CDH18: variants seen among roughly 807,000 people sequenced by gnomAD.
CDH18 encodes the protein cadherin-18.
A neutral mutation model predicts 67.9 loss-of-function variants in CDH18; 31 were observed. The ratio of observed to expected loss-of-function variants is 0.46; its 90% CI spans 0.34 to 0.62. The LOEUF (loss-of-function observed/expected upper bound fraction) is 0.62, where lower values mean the gene tolerates loss of function less well. Among genes scored for constraint, CDH18 ranks in the 20% least tolerant of loss-of-function variants. The pLI, the probability that CDH18 is intolerant of heterozygous loss-of-function variation, is 0.01. For missense variants in CDH18, 890 were observed against 975.5 expected, an observed-to-expected ratio of 0.91 and a Z score of 1.17; for synonymous variants, 362 against 347.2, an observed-to-expected ratio of 1.04 and a Z score of -0.48.
At chr5:19,876,128 C>T (rs898900390) in intron 2 of CDH18, among the ~76,000 whole-genome samples, 1 of 152,032 alleles carries the variant, frequency 6.6e-6, no homozygotes, top group Non-Finnish European at 1.5e-5. Flanking sequence ...GTCCATAAAA[C>T]CCTCTCACAG....
chr5:20,022,587 T>C (rs1222468856), intron 2 of CDH18, among the ~76,000 whole-genome samples: 1 of 152,218 alleles, frequency 6.6e-6, no homozygotes, highest in Non-Finnish European at 1.5e-5. Context: ...ATTAATTAGT[T>C]GTCCATTTCT....
At chr5:19,748,706 T>G (rs2149659470) in intron 3 of CDH18, among the ~76,000 whole-genome samples, 1 of 152,088 alleles carries the variant, frequency 6.6e-6, no homozygotes, top group African/African-American at 2.4e-5. Flanking sequence ...ATTTTTGAGG[T>G]TTTAAAGTCT....
intron 1 of CDH18, among the ~76,000 whole-genome samples, chr5:20,311,110 A>C (rs1168047503): frequency 6.6e-6 from 1 of 151,450 alleles, no homozygotes; most frequent in Non-Finnish European, 1.5e-5. Flanking sequence ...AAAAACAAAC[A>C]AAAAAAAGCC....
intron 9 of CDH18, among the ~76,000 whole-genome samples, chr5:19,529,781 A>T (rs1034005869): frequency 1.3e-5 from 2 of 152,082 alleles, no homozygotes; most frequent in Admixed American, 1.3e-4. Context: ...TTGCTTTGAG[A>T]AATGTTTAAA....
intron 2 of CDH18, among the ~76,000 whole-genome samples, chr5:20,152,657 TATTAA>T (rs910726803): frequency 2.0e-5 from 3 of 152,106 alleles, no homozygotes; most frequent in Admixed American, 1.3e-4. Flanking sequence ...GTAAAATTCT[TATTAA>T]ATTAAATTAA....
intron 1 of CDH18, among the ~76,000 whole-genome samples, chr5:20,473,888 C>T (rs1752258444): frequency 6.6e-6 from 1 of 152,040 alleles, no homozygotes; most frequent in African/African-American, 2.4e-5. Context: ...CTGTTCTTTG[C>T]TTTTTAAATA....
intron 2 of CDH18, among the ~76,000 whole-genome samples, chr5:19,940,408 G>C (rs900295500): frequency 6.6e-6 from 1 of 151,784 alleles, no homozygotes; most frequent in Non-Finnish European, 1.5e-5. Flanking sequence ...TCAATTTTCA[G>C]ATATTGCCTC....
chr5:19,477,455 C>G (rs1007357925), intron 12 of CDH18, among the ~76,000 whole-genome samples: 3 of 151,678 alleles, frequency 2.0e-5, no homozygotes, highest in Non-Finnish European at 4.4e-5. Context: ...GTGAATTACC[C>G]TGAACAGTAA....
At chr5:20,314,693 C>G (rs1737306604) in intron 1 of CDH18, among the ~76,000 whole-genome samples, 1 of 151,958 alleles carries the variant, frequency 6.6e-6, no homozygotes, top group African/African-American at 2.4e-5. Flanking sequence ...TATGTGCTAC[C>G]ACTTTTTTAA....
chr5:20,137,495 CA>C (rs538855701), intron 2 of CDH18, among the ~76,000 whole-genome samples: 135 of 152,060 alleles, frequency 8.9e-4, no homozygotes, highest in African/African-American at 3.2e-3. Context: ...AATCTTTTTT[CA>C]TGGTTTTTAG....
chr5:20,279,186 T>A, intron 1 of CDH18, among the ~76,000 whole-genome samples: 1 of 150,966 alleles, frequency 6.6e-6, no homozygotes, highest in South Asian at 2.1e-4. Flanking sequence ...ACACATAGAC[T>A]GAAAATAAAG....
chr5:20,435,652 T>C (rs1236064108), intron 1 of CDH18, among the ~76,000 whole-genome samples: 1 of 152,010 alleles, frequency 6.6e-6, no homozygotes, highest in Non-Finnish European at 1.5e-5. Context: ...TCTACAGTGC[T>C]TCCTGATGCA....
chr5:20,439,209 C>T (rs1215884201), intron 1 of CDH18, among the ~76,000 whole-genome samples: 1 of 151,436 alleles, frequency 6.6e-6, no homozygotes, highest in Admixed American at 6.6e-5. Flanking sequence ...TATTTTGATT[C>T]CCTATAATAT....
At chr5:19,723,549 C>T (rs1027255929) in intron 4 of CDH18, among the ~76,000 whole-genome samples, 1 of 152,098 alleles carries the variant, frequency 6.6e-6, no homozygotes, top group Non-Finnish European at 1.5e-5. Context: ...AAATTACAGA[C>T]CAATCAAATA....
At chr5:19,785,769 G>A (rs1220917516) in intron 3 of CDH18, among the ~76,000 whole-genome samples, 2 of 126,672 alleles carry the variant, frequency 1.6e-5, no homozygotes, top group East Asian at 2.5e-4. Context: ...AGATCATAGA[G>A]GTTTCATGAA....
chr5:19,920,510 C>CT lies in CDH18; in HGVS notation c.-257+60549dup, dbSNP rs66464033. On this transcript the variant is annotated intron_variant, in intron 2 of 12. Coordinates refer to ENST00000382275, the MANE Select transcript of CDH18 (RefSeq NM_004934.5). Reference sequence around the variant, plus strand: ...AGATTAGACACGACATTTAACCTTACTTTTTTTTTTTTTTTTTTTTTCAGA... The same window carrying CT: ...AGATTAGACACGACATTTAACCTTACTTTTTTTTTTTTTTTTTTTTTTCAGA... Among the ~76,000 whole-genome samples, 94 of 82,974 alleles carry CT rather than the reference C, an allele frequency of 1.1e-3. 1 individual carries two copies. Among genetic ancestry groups the CT allele is most frequent in the African/African-American group, 2.9e-3 (72 of 25,162 alleles). 54.4% of individuals were successfully genotyped at this position (82,974 alleles called of 152,430 possible). A position where few individuals can be genotyped will look rare whatever the true frequency, so the allele number is the denominator to read the frequency against.
At chr5:20,147,348 A>C (rs931265977) in intron 2 of CDH18, among the ~76,000 whole-genome samples, 1 of 152,186 alleles carries the variant, frequency 6.6e-6, no homozygotes, top group Admixed American at 6.5e-5. Context: ...ACAGTTATTA[A>C]GCAGAAGCAA....
chr5:20,258,753 G>A (rs1253389412), intron 1 of CDH18, among the ~76,000 whole-genome samples: 6 of 151,842 alleles, frequency 4.0e-5, no homozygotes, highest in Admixed American at 2.0e-4. Flanking sequence ...ATCAGAAACC[G>A]AGAGTCCTAA....
chr5:19,753,292 C>A (rs1459978480), intron 3 of CDH18, among the ~76,000 whole-genome samples: 1 of 151,950 alleles, frequency 6.6e-6, no homozygotes. Context: ...AAAAAAGATG[C>A]AAGAAGTGAA....
Sources: gnomAD v4.1 joint callset for allele counts (sites outside exome capture counted in the v4.1 genomes callset) on GRCh38, gnomAD v4.1.1 for gene constraint, MANE v1.5 for transcripts, NCBI Gene and HGNC (gene_info 2026-07-23, HGNC 2026-07-21) for gene names.